Variants in TRABD2B observed in about 807,000 individuals in gnomAD.
TRABD2B encodes TraB domain containing 2B.
TRABD2B carries 14 observed loss-of-function variants against 40.1 expected under a neutral mutation model. The observed-to-expected ratio is 0.35, with a 90% CI of 0.23 to 0.55. The LOEUF (loss-of-function observed/expected upper bound fraction) is 0.55. Among genes scored for constraint, TRABD2B ranks in the 20% least tolerant of loss-of-function variants. TRABD2B has a pLI of 0.90. For missense variants in TRABD2B, 541 were observed against 648.6 expected, an observed-to-expected ratio of 0.83 and a Z score of 1.80; for synonymous variants, 263 against 277.0, an observed-to-expected ratio of 0.95 and a Z score of 0.50.
chr1:47,820,789 C>CACAT (rs1479571135), intron 2 of TRABD2B, among the ~76,000 whole-genome samples: 31 of 140,774 alleles, frequency 2.2e-4, no homozygotes, highest in Admixed American at 2.1e-3. Flanking sequence ...ACACCACACA[C>CACAT]ACACACACAC....
intron 2 of TRABD2B, among the ~76,000 whole-genome samples, chr1:47,939,870 TG>T (rs963223273): frequency 1.3e-5 from 2 of 152,204 alleles, no homozygotes; most frequent in African/African-American, 4.8e-5. Flanking sequence ...GCCTCCTTAC[TG>T]GCCTTCCTGC....
intron 4 of TRABD2B, among the ~76,000 whole-genome samples, chr1:47,783,957 T>A (rs1028065634): frequency 6.6e-6 from 1 of 152,212 alleles, no homozygotes; most frequent in African/African-American, 2.4e-5. Context: ...TTTCCCCACA[T>A]GGTGTTGGGC....
At chr1:47,899,026 A>G (rs1167217902) in intron 2 of TRABD2B, among the ~76,000 whole-genome samples, 3 of 152,230 alleles carry the variant, frequency 2.0e-5, no homozygotes, top group Non-Finnish European at 4.4e-5. Flanking sequence ...AGAAGGCCTT[A>G]CATCCATATT....
chr1:47,825,212 C>T (rs1645159398), intron 2 of TRABD2B, among the ~76,000 whole-genome samples: 1 of 152,194 alleles, frequency 6.6e-6, no homozygotes, highest in Non-Finnish European at 1.5e-5. Context: ...AGCCATTTTG[C>T]AAATGCAGAG....
chr1:47,922,647 T>A (rs1644917665), intron 2 of TRABD2B, among the ~76,000 whole-genome samples: 1 of 152,148 alleles, frequency 6.6e-6, no homozygotes, highest in Non-Finnish European at 1.5e-5. Flanking sequence ...CACCTTTGAT[T>A]CCTTCCTTTC....
intron 2 of TRABD2B, among the ~76,000 whole-genome samples, chr1:47,976,062 T>C (rs1645751719): frequency 6.6e-6 from 1 of 152,194 alleles, no homozygotes; most frequent in South Asian, 2.1e-4. Context: ...CCCTGCTTCA[T>C]GTTCCTTTTC....
chr1:47,900,334 T>C (rs546304034), intron 2 of TRABD2B, among the ~76,000 whole-genome samples: 8 of 152,034 alleles, frequency 5.3e-5, no homozygotes, highest in Admixed American at 2.0e-4. Flanking sequence ...CAGGAGAGAG[T>C]GCTAAAGCCA....
At chr1:47,870,617 C>T (rs1430415606) in intron 2 of TRABD2B, among the ~76,000 whole-genome samples, 4 of 152,222 alleles carry the variant, frequency 2.6e-5, no homozygotes, top group African/African-American at 9.6e-5. Context: ...TTGCCCACAT[C>T]ACCTGCCTCA....
chr1:47,859,196 C>T (rs1570141566), intron 2 of TRABD2B, among the ~76,000 whole-genome samples: 1 of 152,190 alleles, frequency 6.6e-6, no homozygotes, highest in Non-Finnish European at 1.5e-5. Context: ...CAGCCCTGAC[C>T]CTTTTGTTTC....
chr1:47,829,130 T>C (rs1239758707), intron 2 of TRABD2B, among the ~76,000 whole-genome samples: 3 of 152,314 alleles, frequency 2.0e-5, no homozygotes, highest in East Asian at 1.9e-4. Context: ...TTGTCTCTTA[T>C]GTTGGGACAT....
chr1:47,792,662 C>T (rs1044470116), intron 4 of TRABD2B, among the ~76,000 whole-genome samples: 7 of 152,178 alleles, frequency 4.6e-5, no homozygotes, highest in African/African-American at 1.7e-4. Context: ...CCACGGCTCC[C>T]CTCACTGCTG....
At chr1:47,832,176 T>A (rs2124453810) in intron 2 of TRABD2B, among the ~76,000 whole-genome samples, 1 of 152,004 alleles carries the variant, frequency 6.6e-6, no homozygotes, top group Middle Eastern at 3.4e-3. Context: ...ACTAAAAAAA[T>A]ACAAAAATTG....
At chr1:47,855,534 T>C (rs1206238424) in intron 2 of TRABD2B, among the ~76,000 whole-genome samples, 1 of 152,256 alleles carries the variant, frequency 6.6e-6, no homozygotes, top group African/African-American at 2.4e-5. Flanking sequence ...TAAGTAAGAT[T>C]TACCCATGTT....
Position 47,821,527 on chromosome 1 carries a change from C to T in TRABD2B, c.667-19908G>A, listed in dbSNP as rs111748889. Among the ~76,000 whole-genome samples, 530 of 152,290 alleles carry T rather than the reference C, an allele frequency of 3.5e-3. 8 individuals are homozygous for T. The highest frequency in any genetic ancestry group is 0.012 in the African/African-American group (495 of 41,546). ...TTGTTTCTCCAGGGCGGGAGTTGCCCTGGCAATGCCCCTGACAGGCAGATG... is the reference window on the plus strand; with the variant it reads ...TTGTTTCTCCAGGGCGGGAGTTGCCTTGGCAATGCCCCTGACAGGCAGATG... On this transcript the variant is annotated intron_variant, in intron 2 of 6. Coordinates refer to ENST00000606738, the MANE Select transcript of TRABD2B (RefSeq NM_001194986.2).
chr1:47,994,602 A>G lies in TRABD2B; in HGVS notation c.103-5T>C. On this transcript the variant is annotated splice_polypyrimidine_tract_variant and splice_region_variant and intron_variant, in intron 1 of 6. Transcript: ENST00000606738. The surrounding 1 kb of genome is among the most constrained non-coding windows in gnomAD (Gnocchi z 6.7). ...GAAGGAGTTCAAGTCCCTCTGCTGCAGGAGTAGAGAAGAGGCAAGGCAGTG... is the reference window on the plus strand; with the variant it reads ...GAAGGAGTTCAAGTCCCTCTGCTGCGGGAGTAGAGAAGAGGCAAGGCAGTG... 6 of 1,532,236 alleles carry G rather than the reference A, an allele frequency of 3.9e-6. No individual in the cohort carries two copies. The highest frequency in any genetic ancestry group is 5.2e-6 in the Non-Finnish European group (6 of 1,144,784). 94.9% of individuals were successfully genotyped at this position (1,532,236 alleles called of 1,614,324 possible).
chr1:47,918,413 C>T (rs1330539278), intron 2 of TRABD2B, among the ~76,000 whole-genome samples: 1 of 152,138 alleles, frequency 6.6e-6, no homozygotes, highest in Admixed American at 6.5e-5. Context: ...ATGCTATTAG[C>T]CACATTTTAC....
At position 47,885,604 on chromosome 1, in the gene TRABD2B, C is replaced by A. The variant is rs147770974; in HGVS notation, c.667-83985G>T. ...GGAAGTTTCTTTATGTGCTCTCCCC[C>A]CAAATCTCTGGGTTGAAGCGGGAGG... On this transcript the variant is annotated intron_variant, in intron 2 of 6. Transcript: ENST00000606738. 3.9e-5 allele frequency among the ~76,000 whole-genome samples: 6 copies of A among 152,106 alleles called. No individual in the cohort carries two copies. The South Asian group carries it at 6.2e-4, about 16-fold the overall frequency.
Position 47,763,059 on chromosome 1 carries a change from C to T in TRABD2B, c.*2843G>A, listed in dbSNP as rs763867179. On this transcript the variant is annotated 3_prime_UTR_variant, in exon 7 of 7. Coordinates refer to ENST00000606738, the MANE Select transcript of TRABD2B (RefSeq NM_001194986.2). ...AACAGGAGCATTTTATGAGGCTGGG[C>T]ACAAAGAACGTTTCTGGAAGAAATG... 1 of 152,290 alleles carries T rather than the reference C, an allele frequency of 6.6e-6. No individual in the cohort carries two copies. The highest frequency in any genetic ancestry group is 1.5e-5 in the Non-Finnish European group (1 of 68,038). The allele number at this position is 152,290 out of a possible 1,614,324, so 9.4% of individuals were successfully genotyped here. A position where few individuals can be genotyped will look rare whatever the true frequency, so the allele number is the denominator to read the frequency against.
intron 2 of TRABD2B, among the ~76,000 whole-genome samples, chr1:47,924,108 G>A (rs1644940510): frequency 6.6e-6 from 1 of 152,022 alleles, no homozygotes; most frequent in South Asian, 2.1e-4. Context: ...CTGCATCTAG[G>A]ATTCAAGGGG....
Sources: gnomAD v4.1 joint callset for allele counts (sites outside exome capture counted in the v4.1 genomes callset) on GRCh38, gnomAD v4.1.1 for gene constraint, Gnocchi (gnomAD v3.1) non-coding constraint, MANE v1.5 for transcripts, NCBI Gene and HGNC (gene_info 2026-07-23, HGNC 2026-07-21) for gene names.